C6: variants seen among roughly 807,000 people sequenced by gnomAD.
C6 encodes the protein complement component C6.
A neutral mutation model predicts 112.9 loss-of-function variants in C6; 101 were observed. The ratio of observed to expected loss-of-function variants is 0.89; its 90% CI spans 0.76 to 1.06. The LOEUF (loss-of-function observed/expected upper bound fraction) is 1.06, where lower values mean the gene tolerates loss of function less well. C6 is among the 50% of genes least tolerant of loss of function. C6 has a pLI of 0.00. For missense variants in C6, 1,202 were observed against 1,104.6 expected, an observed-to-expected ratio of 1.09 and a Z score of -1.25; for synonymous variants, 431 against 384.1, an observed-to-expected ratio of 1.12 and a Z score of -1.43.
chr5:41,220,453 A>G (rs371317425), intron 1 of C6, among the ~76,000 whole-genome samples: 1 of 152,110 alleles, frequency 6.6e-6, no homozygotes, highest in African/African-American at 2.4e-5. Flanking sequence ...GCTCCCTCAA[A>G]CCATCCTGTT....
intron 1 of C6, among the ~76,000 whole-genome samples, chr5:41,243,389 T>G (rs1740844522): frequency 6.6e-6 from 1 of 152,242 alleles, no homozygotes; most frequent in Admixed American, 6.5e-5. Context: ...TACAGGCATT[T>G]CAAATAATTG....
At chr5:41,181,870 C>A (rs901552894) in intron 6 of C6, among the ~76,000 whole-genome samples, 1 of 152,178 alleles carries the variant, frequency 6.6e-6, no homozygotes, top group Non-Finnish European at 1.5e-5. Flanking sequence ...TAAGCTGAGA[C>A]TTAACAGGGT....
At chr5:41,237,257 G>T (rs376930107) in intron 1 of C6, among the ~76,000 whole-genome samples, 4 of 119,252 alleles carry the variant, frequency 3.4e-5, no homozygotes, top group African/African-American at 1.0e-4. Context: ...TACCAAAGCC[G>T]GGCAGAGACA....
At chr5:41,159,541 C>T in intron 11 of C6, 1 of 842,836 alleles carries the variant, frequency 1.2e-6, no homozygotes, top group Non-Finnish European at 1.4e-6. Flanking sequence ...CTTTGGAGGC[C>T]TTTTAAAAAT....
intron 5 of C6, among the ~76,000 whole-genome samples, chr5:41,191,793 C>CT (rs374884823): frequency 0.037 from 5,208 of 142,300 alleles, 327 homozygotes; most frequent in African/African-American, 0.12. Context: ...TTTCTAGGGC[C>CT]TTTTTTTTTT....
At chr5:41,228,524 C>G (rs2150410866) in intron 1 of C6, among the ~76,000 whole-genome samples, 1 of 152,186 alleles carries the variant, frequency 6.6e-6, no homozygotes, top group East Asian at 1.9e-4. Context: ...GCATTTCTGT[C>G]TTATTCCTAA....
At position 41,182,265 on chromosome 5, in the gene C6, CT is replaced by C. The variant is rs371104902; in HGVS notation, c.727-707del. On this transcript the variant is annotated intron_variant, in intron 6 of 17. Transcript: ENST00000337836. ...GGCAATATGTCACTTCCCCCCGCCCCTTTTTTTTTTTTTGCAATTCATCATC... is the reference window on the plus strand; with the variant it reads ...GGCAATATGTCACTTCCCCCCGCCCCTTTTTTTTTTTTGCAATTCATCATC... Among the ~76,000 whole-genome samples, 1,136 of 141,672 alleles carry C rather than the reference CT, an allele frequency of 8.0e-3. 6 individuals carry two copies. The highest frequency in any genetic ancestry group is 0.02 in the African/African-American group (762 of 38,914). 92.9% of individuals were successfully genotyped at this position (141,672 alleles called of 152,430 possible). A position where few individuals can be genotyped will look rare whatever the true frequency, so the allele number is the denominator to read the frequency against.
intron 9 of C6, 74 bp from the exon 10 acceptor site, chr5:41,161,933 C>G: frequency 7.0e-7 from 1 of 1,438,434 alleles, no homozygotes; most frequent in South Asian, 1.2e-5. Flanking sequence ...CAAACAAAAA[C>G]CTATTTGTAC....
chr5:41,209,283 TG>T (rs1369485460), intron 1 of C6, among the ~76,000 whole-genome samples: 1 of 152,152 alleles, frequency 6.6e-6, no homozygotes, highest in Non-Finnish European at 1.5e-5. Context: ...GAGTAAAAAC[TG>T]GAAGCATTCC....
intron 1 of C6, among the ~76,000 whole-genome samples, chr5:41,225,727 C>T (rs1739447287): frequency 6.6e-6 from 1 of 152,150 alleles, no homozygotes; most frequent in African/African-American, 2.4e-5. Context: ...TCTCCCAAAA[C>T]AGCATGGTAC....
intron 1 of C6, among the ~76,000 whole-genome samples, chr5:41,235,033 A>G (rs908667435): frequency 2.0e-5 from 3 of 150,822 alleles, no homozygotes; most frequent in Non-Finnish European, 4.4e-5. Flanking sequence ...AATATTTTTG[A>G]AAGTCCAAGT....
chr5:41,202,210 A>T, intron 2 of C6, among the ~76,000 whole-genome samples: 1 of 152,154 alleles, frequency 6.6e-6, no homozygotes, highest in Non-Finnish European at 1.5e-5. Flanking sequence ...TTCTCCAGGT[A>T]ACAGAGGGAA....
intron 5 of C6, 94 bp downstream of exon 5, chr5:41,195,698 T>A: frequency 1.5e-6 from 2 of 1,316,160 alleles, no homozygotes; most frequent in South Asian, 2.3e-5. Context: ...AAGAAGTTAA[T>A]GAGGAAGATG....
intron 7 of C6, among the ~76,000 whole-genome samples, chr5:41,178,454 CTTTT>C (rs1281504610): frequency 4.7e-5 from 6 of 127,252 alleles, no homozygotes; most frequent in Non-Finnish European, 9.7e-5. Context: ...TTTCTTTTTT[CTTTT>C]TCTTTTTCTT....
At chr5:41,177,921 T>A (rs1017152018) in intron 7 of C6, among the ~76,000 whole-genome samples, 6 of 152,196 alleles carry the variant, frequency 3.9e-5, no homozygotes, top group Non-Finnish European at 8.8e-5. Flanking sequence ...ACCATAGTTT[T>A]CAAAAGTTGG....
chr5:41,256,178 C>T (rs1166442346), intron 1 of C6, among the ~76,000 whole-genome samples: 5 of 151,894 alleles, frequency 3.3e-5, no homozygotes, highest in African/African-American at 4.8e-5. Flanking sequence ...TTTCTTAATC[C>T]AGTCTATCAT....
intron 1 of C6, among the ~76,000 whole-genome samples, chr5:41,212,060 T>G (rs963116282): frequency 1.3e-5 from 2 of 152,196 alleles, no homozygotes; most frequent in African/African-American, 4.8e-5. Flanking sequence ...ACATTAAAAC[T>G]TATTTGATGA....
At chr5:41,242,200 T>C (rs1740753513) in intron 1 of C6, among the ~76,000 whole-genome samples, 1 of 152,158 alleles carries the variant, frequency 6.6e-6, no homozygotes, top group Admixed American at 6.5e-5. Flanking sequence ...TCCCCATGTG[T>C]CAAGGGTGGG....
chr5:41,203,283 T>C (rs1405895940), intron 1 of C6, 33 bp from the exon 2 acceptor site: 7 of 1,607,890 alleles, frequency 4.4e-6, no homozygotes, highest in Non-Finnish European at 5.1e-6. Flanking sequence ...ACATATCAAA[T>C]GCTTTTTTGA....
Sources: allele counts gnomAD v4.1 joint callset (sites outside exome capture counted in the v4.1 genomes callset), GRCh38; gene constraint gnomAD v4.1.1; transcripts MANE v1.5; gene names NCBI Gene and HGNC (gene_info 2026-07-23, HGNC 2026-07-21).